Variants in STX8 observed in about 807,000 individuals in gnomAD.
The protein encoded by STX8 is syntaxin 8, also known as syntaxin-8.
STX8 carries 23 observed loss-of-function variants against 37.5 expected under a neutral mutation model. The ratio of observed to expected loss-of-function variants is 0.61; its 90% CI spans 0.44 to 0.87. The LOEUF is 0.87. STX8 is among the 40% of genes least tolerant of loss of function. The pLI, the probability that STX8 is intolerant of heterozygous loss-of-function variation, is 0.00. For synonymous variants in STX8, 115 were observed against 99.1 expected (o/e 1.16, Z -0.95); for missense variants, 313 against 284.7 (o/e 1.10, Z -0.71).
chr17:9,542,544 G>A (rs1471296758), intron 4 of STX8, among the ~76,000 whole-genome samples: 1 of 151,700 alleles, frequency 6.6e-6, no homozygotes, highest in Admixed American at 6.6e-5. Flanking sequence ...GGGCATGGTG[G>A]CGGGCGCCTG....
At chr17:9,420,674 T>C (rs999056451) in intron 6 of STX8, among the ~76,000 whole-genome samples, 3 of 152,134 alleles carry the variant, frequency 2.0e-5, no homozygotes, top group African/African-American at 7.2e-5. Context: ...CCCCCACAAC[T>C]TGAATCCTCA....
At chr17:9,532,045 A>C (rs1273710574) in intron 4 of STX8, among the ~76,000 whole-genome samples, 1 of 151,998 alleles carries the variant, frequency 6.6e-6, no homozygotes, top group African/African-American at 2.4e-5. Flanking sequence ...TTCAGATCTC[A>C]AGGTCTCTGG....
intron 2 of STX8, among the ~76,000 whole-genome samples, chr17:9,566,361 G>A (rs1396104628): frequency 6.6e-6 from 1 of 152,222 alleles, no homozygotes; most frequent in Non-Finnish European, 1.5e-5. Context: ...TAGTGGGAGT[G>A]TAAATCAGTT....
chr17:9,528,716 A>C (rs1266418819), intron 4 of STX8, among the ~76,000 whole-genome samples: 2 of 152,232 alleles, frequency 1.3e-5, no homozygotes. Context: ...GAAAGGGAAG[A>C]AAATAGGAAA....
intron 4 of STX8, among the ~76,000 whole-genome samples, chr17:9,509,838 T>TA (rs35517248): frequency 3.0e-4 from 44 of 144,680 alleles, no homozygotes; most frequent in African/African-American, 1.0e-3. Context: ...ATAACTAGAT[T>TA]AAAAAAAAAA....
chr17:9,562,823 A>ACC, intron 2 of STX8, among the ~76,000 whole-genome samples: 1 of 152,144 alleles, frequency 6.6e-6, no homozygotes, highest in East Asian at 1.9e-4. Flanking sequence ...AAGAGTGACA[A>ACC]CCCCTTTGAG....
At chr17:9,524,776 GTTTTGTT>G (rs1567597125) in intron 4 of STX8, among the ~76,000 whole-genome samples, 3 of 120,488 alleles carry the variant, frequency 2.5e-5, no homozygotes, top group African/African-American at 1.1e-4. Context: ...GTTTTGTTTT[GTTTTGTT>G]TTTGTTTGTT....
At chr17:9,431,444 TGTTG>T (rs1567558203) in intron 6 of STX8, among the ~76,000 whole-genome samples, 27 of 148,440 alleles carry the variant, frequency 1.8e-4, no homozygotes, top group African/African-American at 6.4e-4. Flanking sequence ...TTGTTGTTGT[TGTTG>T]TTTTGTTTTT....
At chr17:9,298,887 C>A (rs1432554573) in intron 7 of STX8, among the ~76,000 whole-genome samples, 1 of 152,196 alleles carries the variant, frequency 6.6e-6, no homozygotes, top group Non-Finnish European at 1.5e-5. Context: ...CATTCCTTTG[C>A]AACTCCTCAG....
intron 6 of STX8, among the ~76,000 whole-genome samples, chr17:9,381,092 A>C (rs1287812336): frequency 6.6e-6 from 1 of 152,172 alleles, no homozygotes; most frequent in African/African-American, 2.4e-5. Context: ...AATAGGCCAT[A>C]CCATACATAT....
intron 6 of STX8, among the ~76,000 whole-genome samples, chr17:9,486,036 C>T (rs1025547856): frequency 1.3e-5 from 2 of 152,132 alleles, no homozygotes; most frequent in Non-Finnish European, 2.9e-5. Flanking sequence ...GAAAATGTAC[C>T]TACTTTAAGG....
At chr17:9,535,577 C>T (rs1229318631) in intron 4 of STX8, among the ~76,000 whole-genome samples, 1 of 151,606 alleles carries the variant, frequency 6.6e-6, no homozygotes, top group Non-Finnish European at 1.5e-5. Flanking sequence ...GGACTACAGG[C>T]ACCCGCCACC....
intron 7 of STX8, among the ~76,000 whole-genome samples, chr17:9,271,730 T>C (rs959812949): frequency 4.0e-5 from 5 of 124,524 alleles, no homozygotes; most frequent in South Asian, 2.4e-4. Flanking sequence ...AGCCTGGCTA[T>C]AGAGCAAGAC....
At chr17:9,444,722 T>G (rs1904779557) in intron 6 of STX8, among the ~76,000 whole-genome samples, 1 of 152,234 alleles carries the variant, frequency 6.6e-6, no homozygotes, top group South Asian at 2.1e-4. Flanking sequence ...CTTCCTTTTT[T>G]TAGTGCAACT....
chr17:9,358,413 CAGT>C (rs1910952170), intron 7 of STX8, among the ~76,000 whole-genome samples: 2 of 152,278 alleles, frequency 1.3e-5, no homozygotes, highest in African/African-American at 4.8e-5. Flanking sequence ...GTACACCACT[CAGT>C]TGTTCATTCA....
chr17:9,544,346 T>A (rs1906410084), intron 4 of STX8, among the ~76,000 whole-genome samples: 1 of 152,022 alleles, frequency 6.6e-6, no homozygotes, highest in Admixed American at 6.6e-5. Flanking sequence ...GCCCGACCCG[T>A]CCTCCAGGTC....
At chr17:9,311,062 C>G (rs904531478) in intron 7 of STX8, among the ~76,000 whole-genome samples, 1 of 152,012 alleles carries the variant, frequency 6.6e-6, no homozygotes, top group African/African-American at 2.4e-5. Flanking sequence ...CGTGGTGAAA[C>G]CGCATCTCTA....
chr17:9,498,420 AG>A (rs1904488576), intron 5 of STX8, among the ~76,000 whole-genome samples: 1 of 151,924 alleles, frequency 6.6e-6, no homozygotes, highest in South Asian at 2.1e-4. Flanking sequence ...AAGAAAAATT[AG>A]GTCAAGCTAG....
intron 3 of STX8, among the ~76,000 whole-genome samples, chr17:9,546,596 T>TTTTTTTTTTTTG (rs1906533695): frequency 8.2e-6 from 1 of 121,644 alleles, no homozygotes; most frequent in African/African-American, 3.3e-5. Flanking sequence ...AAGTGGTTTT[T>TTTTTTTTTTTTG]TTTTTTTTTT....
Sources: allele counts gnomAD v4.1 joint callset (sites outside exome capture counted in the v4.1 genomes callset), GRCh38; gene constraint gnomAD v4.1.1; transcripts MANE v1.5; gene names NCBI Gene and HGNC (gene_info 2026-07-23, HGNC 2026-07-21).